The following PIK3R1 variants were observed in gnomAD, a reference collection of about 807,000 sequenced individuals.
PIK3R1 encodes phosphatidylinositol 3-kinase regulatory subunit alpha.
Under a neutral mutation model 98.0 loss-of-function variants are expected in PIK3R1, and 29 were observed. The observed-to-expected ratio is 0.30, with a 90% CI of 0.22 to 0.40. The LOEUF (loss-of-function observed/expected upper bound fraction) is 0.40. Ranked by LOEUF, PIK3R1 falls within the 10% of genes least tolerant of loss-of-function variation. PIK3R1 has a pLI of 1.00. For missense variants in PIK3R1, 596 were observed against 872.7 expected (o/e 0.68, Z 3.99); for synonymous variants, 282 against 311.8 (o/e 0.90, Z 1.01).
At chr5:68,289,961 A>G (rs112720757) in intron 7 of PIK3R1, among the ~76,000 whole-genome samples, 3,122 of 152,122 alleles carry the variant, frequency 0.021, 100 homozygotes, top group African/African-American at 0.068. Context: ...TAAAATTCTC[A>G]TTAATAATGT....
chr5:68,279,414 C>T (rs1395220898), intron 4 of PIK3R1, among the ~76,000 whole-genome samples, 188 bp from the exon 5 acceptor site: 1 of 152,140 alleles, frequency 6.6e-6, no homozygotes, highest in Non-Finnish European at 1.5e-5. Context: ...TTGTTCTACC[C>T]CAAATGCCCG....
chr5:68,218,233 G>A (rs977688128), intron 1 of PIK3R1, among the ~76,000 whole-genome samples: 4 of 152,158 alleles, frequency 2.6e-5, no homozygotes, highest in African/African-American at 9.7e-5. Context: ...GGTGGTATGC[G>A]TTTATCTTTT....
At chr5:68,249,475 A>G (rs193289557) in intron 2 of PIK3R1, among the ~76,000 whole-genome samples, 276 of 152,330 alleles carry the variant, frequency 1.8e-3, no homozygotes, top group Middle Eastern at 6.8e-3. Context: ...TCTACCCTGC[A>G]CTAAGTGGTC....
chr5:68,292,377 C>G lies in PIK3R1; in HGVS notation c.1019+16C>G, dbSNP rs778206442. On this transcript the variant is annotated intron_variant, in intron 8 of 15. Coordinates refer to ENST00000521381, the MANE Select transcript of PIK3R1 (RefSeq NM_181523.3). ...ATATCTCGAGGTAAGGCTACAGAAA[C>G]TTCATTTTCAGAGAGTTTTAGATTA... The G allele has an allele frequency of 8.2e-6, 13 of 1,576,202 alleles. No individual in the cohort carries two copies. The highest frequency in any genetic ancestry group is 1.4e-5 in the African/African-American group (1 of 73,774).
In PIK3R1 at chr5:68,294,633, A is replaced by G. The variant is rs1394040102; in HGVS notation, c.1523A>G (p.Tyr508Cys). The G allele has an allele frequency of 5.6e-6, 9 of 1,610,746 alleles. No homozygotes were observed. Among genetic ancestry groups the G allele is most frequent in the African/African-American group, 1.3e-5 (1 of 74,732 alleles). The part of the protein sequence containing the change: ...CQTQERYSKE[Y>C]IEKFKREGNE... ...ACCCAAGAGCGGTACAGCAAAGAAT[A>G]CATAGAAAAGTTTAAACGTGAAGGC... is the stretch of plus-strand genomic sequence containing the variant. The change falls in exon 12 of 16, where the codon TAC becomes TGC. Residue 508 changes from tyrosine to cysteine, a missense_variant. This residue lies in a region of PIK3R1 where 207 missense variants were observed against 361.4 expected (regional missense o/e 0.57). Coordinates refer to ENST00000521381, the MANE Select transcript of PIK3R1 (RefSeq NM_181523.3).
chr5:68,291,916 G>A (rs1747415659), intron 7 of PIK3R1: 1 of 173,622 alleles, frequency 5.8e-6, no homozygotes, highest in East Asian at 1.5e-4. Flanking sequence ...TACTTTAGAT[G>A]GATTTGACCA....
At position 68,296,250 on chromosome 5, in the gene PIK3R1, A is replaced by G; in HGVS notation, c.1894A>G (p.Asn632Asp). 2 of 1,614,220 alleles carry G rather than the reference A, an allele frequency of 1.2e-6. No homozygotes were observed. The highest frequency in any genetic ancestry group is 1.7e-6 in the Non-Finnish European group (2 of 1,180,032). Residue 632 changes from asparagine (N) to aspartate (D), a missense_variant, in exon 15 of 16, where the codon AAC (asparagine) becomes GAC (aspartate). By Grantham distance (23) the Asn-to-Asp change is conservative. Around this residue, in one of 3 missense-constraint regions of PIK3R1, gnomAD observed 207 missense variants for 361.4 expected, o/e 0.57. Coordinates refer to ENST00000521381, the MANE Select transcript of PIK3R1 (RefSeq NM_181523.3). The part of the protein sequence containing the change: ...KTWNVGSSNR[N>D]KAENLLRGKR... ...ATGGAATGTTGGAAGCAGCAACCGA[A>G]ACAAAGCTGAAAACCTGTTGCGAGG...
chr5:68,288,843 C>T, intron 7 of PIK3R1: 1 of 1,317,072 alleles, frequency 7.6e-7, no homozygotes, highest in Non-Finnish European at 1.1e-6. Flanking sequence ...GTGCGTGCGC[C>T]CCTGTAAGCG....
intron 2 of PIK3R1, among the ~76,000 whole-genome samples, chr5:68,262,582 T>C (rs1167319599): frequency 1.1e-4 from 16 of 141,330 alleles, no homozygotes; most frequent in Non-Finnish European, 1.7e-4. Flanking sequence ...CCTACATGTA[T>C]ACACATGTAT....
At chr5:68,285,337 C>T (rs1243757560) in intron 7 of PIK3R1, among the ~76,000 whole-genome samples, 1 of 152,178 alleles carries the variant, frequency 6.6e-6, no homozygotes, top group African/African-American at 2.4e-5. Context: ...GTTTTAAATG[C>T]TCTGGGCTTG....
chr5:68,262,736 T>C (rs1477997414), intron 2 of PIK3R1, among the ~76,000 whole-genome samples: 3 of 140,648 alleles, frequency 2.1e-5, no homozygotes, highest in Non-Finnish European at 4.7e-5. Flanking sequence ...TATATACATG[T>C]AGATGCATGT....
intron 2 of PIK3R1, among the ~76,000 whole-genome samples, chr5:68,248,659 GT>G (rs1294796051): frequency 2.6e-5 from 4 of 152,188 alleles, no homozygotes; most frequent in Admixed American, 1.3e-4. Flanking sequence ...TTGGTCAATT[GT>G]TTTGGCAAAA....
chr5:68,290,927 T>A, intron 7 of PIK3R1: 1 of 772,968 alleles, frequency 1.3e-6, no homozygotes, highest in Non-Finnish European at 2.0e-6. Flanking sequence ...TGGATTTCTG[T>A]TTTTATTAAT....
chr5:68,278,832 C>T (rs1746692650), intron 4 of PIK3R1, among the ~76,000 whole-genome samples: 2 of 152,032 alleles, frequency 1.3e-5, no homozygotes, highest in South Asian at 2.1e-4. Flanking sequence ...CCCACCTACT[C>T]AGGAGGCTGA....
intron 1 of PIK3R1, chr5:68,217,763 A>G (rs1261051947): frequency 2.0e-5 from 3 of 152,088 alleles, no homozygotes; most frequent in Non-Finnish European, 4.4e-5. Context: ...ACTGCTGGGT[A>G]TTGTCACTGC....
At chr5:68,224,832 T>C (rs888902030) in intron 1 of PIK3R1, among the ~76,000 whole-genome samples, 1 of 152,240 alleles carries the variant, frequency 6.6e-6, no homozygotes, top group Non-Finnish European at 1.5e-5. Context: ...TTCTCAGCCA[T>C]CTACTCTGAC....
intron 2 of PIK3R1, among the ~76,000 whole-genome samples, chr5:68,259,510 C>T (rs935109089): frequency 3.3e-5 from 5 of 152,172 alleles, no homozygotes; most frequent in African/African-American, 1.2e-4. Context: ...TGTGATTTTT[C>T]AAGAGTGAGG....
At chr5:68,261,458 G>C (rs1745744046) in intron 2 of PIK3R1, among the ~76,000 whole-genome samples, 2 of 151,490 alleles carry the variant, frequency 1.3e-5, no homozygotes, top group African/African-American at 4.9e-5. Context: ...CTTTTTATTT[G>C]ATAATAGTGA....
At chr5:68,221,705 G>C (rs926825337) in intron 1 of PIK3R1, among the ~76,000 whole-genome samples, 1 of 152,204 alleles carries the variant, frequency 6.6e-6, no homozygotes, top group African/African-American at 2.4e-5. Flanking sequence ...ATGCCTATAG[G>C]TTAGAGGGTT....
Sources: allele counts gnomAD v4.1 joint callset (sites outside exome capture counted in the v4.1 genomes callset), GRCh38; gene constraint gnomAD v4.1.1; regional missense constraint gnomAD v4.1.1; transcripts MANE v1.5; gene names NCBI Gene and HGNC (gene_info 2026-07-23, HGNC 2026-07-21).